CHSY3: variants seen among roughly 807,000 people sequenced by gnomAD.
CHSY3 encodes chondroitin sulfate synthase 3.
A neutral mutation model predicts 67.2 loss-of-function variants in CHSY3; 35 were observed. The observed-to-expected ratio is 0.52, with a 90% confidence interval of 0.40 to 0.69. The LOEUF (loss-of-function observed/expected upper bound fraction) is 0.69. Ranked by LOEUF, CHSY3 falls within the 30% of genes least tolerant of loss-of-function variation. The pLI, the probability that CHSY3 is intolerant of heterozygous loss-of-function variation, is 0.00. For synonymous variants in CHSY3, 474 were observed against 434.7 expected, an observed-to-expected ratio of 1.09 and a Z score of -1.12; for missense variants, 1,069 against 1,138.5, an observed-to-expected ratio of 0.94 and a Z score of 0.88.
chr5:130,058,995 T>C (rs1225880288), intron 2 of CHSY3, among the ~76,000 whole-genome samples: 1 of 152,212 alleles, frequency 6.6e-6, no homozygotes, highest in Admixed American at 6.5e-5. Flanking sequence ...GTTGATTTTT[T>C]GTATGGGTCA....
chr5:130,008,306 C>T (rs1191320895), intron 2 of CHSY3, among the ~76,000 whole-genome samples: 1 of 152,130 alleles, frequency 6.6e-6, no homozygotes, highest in African/African-American at 2.4e-5. Flanking sequence ...GAGAACAAAG[C>T]CATGGGTCTA....
At chr5:129,960,973 T>C (rs998288375) in intron 2 of CHSY3, among the ~76,000 whole-genome samples, 1 of 152,102 alleles carries the variant, frequency 6.6e-6, no homozygotes, top group Admixed American at 6.6e-5. Context: ...ATCAAACCAG[T>C]AGACAATTTC....
At chr5:129,963,033 G>A (rs956889147) in intron 2 of CHSY3, among the ~76,000 whole-genome samples, 1 of 151,870 alleles carries the variant, frequency 6.6e-6, no homozygotes, top group African/African-American at 2.4e-5. Flanking sequence ...AGATGCCAGG[G>A]TTTCAGCTCC....
At chr5:130,098,149 A>T (rs1296307560) in intron 2 of CHSY3, among the ~76,000 whole-genome samples, 1 of 152,186 alleles carries the variant, frequency 6.6e-6, no homozygotes, top group Non-Finnish European at 1.5e-5. Context: ...TCAGGATACA[A>T]AACATTTTCA....
At chr5:130,176,300 A>G (rs552933482) in intron 2 of CHSY3, among the ~76,000 whole-genome samples, 9 of 152,206 alleles carry the variant, frequency 5.9e-5, no homozygotes, top group Non-Finnish European at 5.9e-5. Flanking sequence ...AACCACAATG[A>G]GATATCATCT....
intron 2 of CHSY3, among the ~76,000 whole-genome samples, chr5:129,936,591 CT>C (rs1761500810): frequency 6.6e-6 from 1 of 152,124 alleles, no homozygotes; most frequent in South Asian, 2.1e-4. Flanking sequence ...TGCTGGGCAG[CT>C]GGGTCTGATG....
intron 2 of CHSY3, among the ~76,000 whole-genome samples, chr5:129,928,294 A>G (rs771983982): frequency 4.0e-5 from 6 of 150,000 alleles, no homozygotes; most frequent in Non-Finnish European, 8.9e-5. Context: ...TTTTTTCAGT[A>G]GAATAGAATT....
At chr5:129,983,981 A>G (rs1285478371) in intron 2 of CHSY3, among the ~76,000 whole-genome samples, 1 of 152,118 alleles carries the variant, frequency 6.6e-6, no homozygotes, top group Non-Finnish European at 1.5e-5. Flanking sequence ...GGAAACAAGG[A>G]GTGTTATCTG....
At chr5:129,945,211 T>C (rs933084193) in intron 2 of CHSY3, among the ~76,000 whole-genome samples, 8 of 152,178 alleles carry the variant, frequency 5.3e-5, no homozygotes, top group African/African-American at 1.9e-4. Flanking sequence ...CCCTGGATAT[T>C]GTAGTGAAGA....
chr5:130,032,659 T>G (rs1371653617), intron 2 of CHSY3, among the ~76,000 whole-genome samples: 1 of 152,108 alleles, frequency 6.6e-6, no homozygotes, highest in Non-Finnish European at 1.5e-5. Flanking sequence ...TAGACCACTC[T>G]GAGGGCATAA....
intron 2 of CHSY3, among the ~76,000 whole-genome samples, chr5:130,094,553 T>C (rs1766985737): frequency 1.3e-5 from 2 of 152,114 alleles, no homozygotes; most frequent in Non-Finnish European, 2.9e-5. Context: ...TATACAGGGG[T>C]AGCACAGAGA....
chr5:130,108,870 CT>C (rs1767497223), intron 2 of CHSY3, among the ~76,000 whole-genome samples: 1 of 151,518 alleles, frequency 6.6e-6, no homozygotes. Context: ...CAGAATAGTC[CT>C]TTTGTATTGC....
Position 130,002,319 on chromosome 5 carries a change from G to A in CHSY3, c.1086+93959G>A, listed in dbSNP as rs116519667. ...TGTAGAAGACCATGTCCTGGCTAGA[G>A]TGCTTCCGGCCCAGGCTGATTTGTG... On this transcript the variant is annotated intron_variant, in intron 2 of 2. Coordinates refer to ENST00000305031, the MANE Select transcript of CHSY3 (RefSeq NM_175856.5). The A allele has an allele frequency of 1.6e-3, 248 of 152,472 alleles. 1 individual carries two copies. Among genetic ancestry groups the A allele is most frequent in the Admixed American group, 3.0e-3 (46 of 15,304 alleles). The allele number at this position is 152,472 out of a possible 1,614,324, so 9.4% of individuals were successfully genotyped here. A position where few individuals can be genotyped will look rare whatever the true frequency, so the allele number is the denominator to read the frequency against.
At position 130,184,722 on chromosome 5, in the gene CHSY3, G is replaced by C; in HGVS notation, c.1580G>C (p.Arg527Pro). 1 of 1,607,306 alleles carries C rather than the reference G, an allele frequency of 6.2e-7. No homozygotes were observed. The highest frequency in any genetic ancestry group is 8.5e-7 in the Non-Finnish European group (1 of 1,173,818). ...TTCAAGGAAATTCAGTATGGCTACC[G>C]CAGAGTTAACCCCATGCACGGGGTG... ...IDFKEIQYGY[R>P]RVNPMHGVEY... The change falls in exon 3 of 3, where the codon CGC (arginine) becomes CCC (proline). Residue 527 changes from arginine (R) to proline (P), a missense_variant. By Grantham distance (103) the Arg-to-Pro change is moderately radical (BLOSUM62 -2). This residue lies in a region of CHSY3 where 401 missense variants were observed against 395.2 expected (regional missense o/e 1.01). Coordinates refer to ENST00000305031, the MANE Select transcript of CHSY3 (RefSeq NM_175856.5).
intron 2 of CHSY3, among the ~76,000 whole-genome samples, chr5:130,031,548 C>A (rs1463730793): frequency 1.3e-5 from 2 of 152,080 alleles, no homozygotes; most frequent in Non-Finnish European, 2.9e-5. Flanking sequence ...GGCTAGTACA[C>A]CAATAAAACT....
intron 2 of CHSY3, among the ~76,000 whole-genome samples, chr5:129,985,590 G>A (rs762736376): frequency 2.0e-5 from 3 of 151,994 alleles, no homozygotes; most frequent in Non-Finnish European, 4.4e-5. Context: ...GATAGGAATA[G>A]CATTGAATCT....
At chr5:129,945,553 C>A (rs954440961) in intron 2 of CHSY3, among the ~76,000 whole-genome samples, 1 of 152,032 alleles carries the variant, frequency 6.6e-6, no homozygotes, top group East Asian at 1.9e-4. Flanking sequence ...TCTCATTTCC[C>A]CTTCTGTTAA....
intron 2 of CHSY3, among the ~76,000 whole-genome samples, chr5:129,996,339 C>G (rs906628395): frequency 1.3e-5 from 2 of 152,114 alleles, no homozygotes. Context: ...CTTATAAGAA[C>G]TTTTACAGGA....
At chr5:129,963,389 C>T (rs1287572234) in intron 2 of CHSY3, among the ~76,000 whole-genome samples, 1 of 152,002 alleles carries the variant, frequency 6.6e-6, no homozygotes, top group East Asian at 1.9e-4. Context: ...GCCCACGACA[C>T]TTGAGTGTCA....
Sources: allele counts gnomAD v4.1 joint callset (sites outside exome capture counted in the v4.1 genomes callset), GRCh38; gene constraint gnomAD v4.1.1; regional missense constraint gnomAD v4.1.1; transcripts MANE v1.5; gene names NCBI Gene and HGNC (gene_info 2026-07-23, HGNC 2026-07-21).